The following SAMMSON variants were observed in gnomAD, a reference collection of about 807,000 sequenced individuals.
SAMMSON encodes the protein long intergenic non-protein coding RNA 1212.
intron 4 of SAMMSON, among the ~76,000 whole-genome samples, chr3:70,138,670 C>T (rs1053041847): frequency 6.6e-6 from 1 of 152,128 alleles, no homozygotes; most frequent in African/African-American, 2.4e-5. Context: ...TCAATAGCCC[C>T]CAAAGTCTTA....
chr3:70,248,812 A>G (rs1219017247), intron 4 of SAMMSON, among the ~76,000 whole-genome samples: 1 of 152,140 alleles, frequency 6.6e-6, no homozygotes. Flanking sequence ...TGAGTAGGCT[A>G]CCATGTGTGA....
intron 2 of SAMMSON, among the ~76,000 whole-genome samples, chr3:70,430,911 C>A (rs73105784): frequency 0.12 from 18,131 of 151,876 alleles, 1,347 homozygotes; most frequent in East Asian, 0.3. Context: ...TTGGAAGATA[C>A]CTTATTTAAT....
At chr3:70,216,915 C>T (rs940655976) in intron 4 of SAMMSON, among the ~76,000 whole-genome samples, 1 of 152,086 alleles carries the variant, frequency 6.6e-6, no homozygotes, top group African/African-American at 2.4e-5. Flanking sequence ...GCACAGGGAC[C>T]CCTTCCCCTC....
chr3:70,377,916 G>C (rs805478), intron 9 of SAMMSON, among the ~76,000 whole-genome samples: 1 of 151,484 alleles, frequency 6.6e-6, no homozygotes, highest in Non-Finnish European at 1.5e-5. Context: ...ACTCCTTTTT[G>C]CCCATCAGAC....
chr3:70,020,099 A>T (rs1214318421), intron 3 of SAMMSON, among the ~76,000 whole-genome samples: 1 of 152,240 alleles, frequency 6.6e-6, no homozygotes, highest in East Asian at 1.9e-4. Flanking sequence ...CAGACAAATG[A>T]TGGTGTTCCT....
At chr3:70,384,148 A>T (rs933423008) in intron 9 of SAMMSON, among the ~76,000 whole-genome samples, 1 of 152,112 alleles carries the variant, frequency 6.6e-6, no homozygotes, top group African/African-American at 2.4e-5. Flanking sequence ...AGTCACACTG[A>T]GTCTCAAACA....
intron 7 of SAMMSON, among the ~76,000 whole-genome samples, chr3:70,313,783 C>A (rs867705946): frequency 6.6e-6 from 1 of 152,090 alleles, no homozygotes; most frequent in Non-Finnish European, 1.5e-5. Context: ...CCTTCATCAG[C>A]CAATTTTCTT....
intron 7 of SAMMSON, among the ~76,000 whole-genome samples, chr3:70,337,824 T>G (rs1702677417): frequency 6.6e-6 from 1 of 151,954 alleles, no homozygotes; most frequent in Middle Eastern, 3.2e-3. Context: ...TAATAATTAC[T>G]TTTGGTTTTA....
chr3:70,318,876 A>G (rs1220276035), intron 7 of SAMMSON, among the ~76,000 whole-genome samples: 1 of 151,612 alleles, frequency 6.6e-6, no homozygotes, highest in Non-Finnish European at 1.5e-5. Context: ...TAGTCTTAGG[A>G]TGTAGTTCAT....
At chr3:70,055,763 CA>C (rs1305175409) in intron 3 of SAMMSON, among the ~76,000 whole-genome samples, 3 of 152,032 alleles carry the variant, frequency 2.0e-5, no homozygotes, top group African/African-American at 7.2e-5. Flanking sequence ...CAATTATTGT[CA>C]CCTTGTTACC....
At chr3:70,339,033 G>A (rs1010106545) in intron 7 of SAMMSON, among the ~76,000 whole-genome samples, 3 of 152,144 alleles carry the variant, frequency 2.0e-5, no homozygotes, top group Non-Finnish European at 4.4e-5. Context: ...AAAACAGCAT[G>A]CTACTGGTAC....
At chr3:70,425,607 G>A (rs1015039428) in intron 2 of SAMMSON, among the ~76,000 whole-genome samples, 1 of 151,618 alleles carries the variant, frequency 6.6e-6, no homozygotes, top group African/African-American at 2.4e-5. Flanking sequence ...TAGAGACGGG[G>A]TTTCACCATG....
chr3:70,191,340 T>C (rs1701130380), intron 4 of SAMMSON, among the ~76,000 whole-genome samples: 1 of 152,218 alleles, frequency 6.6e-6, no homozygotes, highest in African/African-American at 2.4e-5. Context: ...TTTTTGAGCA[T>C]AGTGTTGTTG....
At position 70,286,917 on chromosome 3, in the gene SAMMSON, G is replaced by T. The variant is rs535167233; in HGVS notation, n.675-4262G>T. Among the ~76,000 whole-genome samples, 1,142 of 151,750 alleles carry T rather than the reference G, an allele frequency of 7.5e-3. 18 individuals carry two copies. The highest frequency in any genetic ancestry group is 0.026 in the African/African-American group (1,093 of 41,334). ...TTTGTACATTGATTTTGTATCCTGA[G>T]ACTTTGCTGAAGTTGCTTATCAGCT... On this transcript the variant is annotated intron_variant and non_coding_transcript_variant, in intron 6 of 9. Coordinates refer to ENST00000642114, the Ensembl canonical transcript of SAMMSON.
At chr3:70,045,133 AT>A (rs1241994267) in intron 3 of SAMMSON, among the ~76,000 whole-genome samples, 4 of 130,362 alleles carry the variant, frequency 3.1e-5, no homozygotes, top group East Asian at 2.0e-4. Flanking sequence ...ATTATAATAT[AT>A]TATAATTTAT....
intron 7 of SAMMSON, among the ~76,000 whole-genome samples, chr3:70,329,960 A>T (rs1702609166): frequency 1.3e-5 from 2 of 152,002 alleles, no homozygotes; most frequent in Admixed American, 1.3e-4. Context: ...ATTTGAAATA[A>T]TTTACAAGAA....
intron 4 of SAMMSON, among the ~76,000 whole-genome samples, chr3:70,097,101 G>C (rs1382365598): frequency 1.3e-5 from 2 of 152,154 alleles, no homozygotes; most frequent in East Asian, 1.9e-4. Context: ...ATGAATATTG[G>C]GTGCCACCCC....
At chr3:70,372,161 TGA>T (rs1702975392) in intron 9 of SAMMSON, among the ~76,000 whole-genome samples, 3 of 152,268 alleles carry the variant, frequency 2.0e-5, no homozygotes, top group East Asian at 3.9e-4. Context: ...CCTAGTTTGC[TGA>T]GAGTTTTTAA....
intron 2 of SAMMSON, among the ~76,000 whole-genome samples, chr3:70,411,107 A>T (rs1701215044): frequency 6.6e-6 from 1 of 152,206 alleles, no homozygotes; most frequent in South Asian, 2.1e-4. Context: ...TCATTGATCT[A>T]CGTAAAATAG....
Sources: gnomAD v4.1 joint callset for allele counts (sites outside exome capture counted in the v4.1 genomes callset) on GRCh38, gnomAD v4.1.1 for gene constraint, MANE v1.5 for transcripts, NCBI Gene and HGNC (gene_info 2026-07-23, HGNC 2026-07-21) for gene names.